The following MED27 variants were observed in gnomAD, a reference collection of about 807,000 sequenced individuals.
MED27 encodes the protein mediator complex subunit 27.
MED27 carries 30 observed loss-of-function variants against 38.2 expected under a neutral mutation model. The observed-to-expected ratio is 0.79, with a 90% confidence interval of 0.59 to 1.07. The LOEUF is 1.07. Among genes scored for constraint, MED27 ranks in the 50% least tolerant of loss-of-function variants. The pLI is 0.00. For missense variants in MED27, 289 were observed against 397.5 expected (o/e 0.73, Z 2.32); for synonymous variants, 122 against 153.5 (o/e 0.79, Z 1.52).
intron 3 of MED27, among the ~76,000 whole-genome samples, chr9:132,000,666 TAAGA>T (rs1213387166): frequency 3.9e-5 from 6 of 151,922 alleles, no homozygotes; most frequent in Non-Finnish European, 8.8e-5. Flanking sequence ...ACAGCAATAA[TAAGA>T]AATAACCTAT....
chr9:132,015,441 A>C (rs983514325), intron 2 of MED27, among the ~76,000 whole-genome samples: 1 of 152,226 alleles, frequency 6.6e-6, no homozygotes, highest in African/African-American at 2.4e-5. Context: ...AAGAGAAATG[A>C]TACTGCCCAG....
At chr9:132,009,552 G>A (rs76945703) in intron 3 of MED27, among the ~76,000 whole-genome samples, 5,596 of 152,282 alleles carry the variant, frequency 0.037, 348 homozygotes, top group African/African-American at 0.12. Context: ...CCTAGGTGGA[G>A]AGGAACCGAG....
At chr9:132,015,111 C>A (rs374909206) in intron 2 of MED27, among the ~76,000 whole-genome samples, 1 of 152,190 alleles carries the variant, frequency 6.6e-6, no homozygotes, top group Admixed American at 6.5e-5. Flanking sequence ...TTCAAACATA[C>A]TATCAGTCTG....
chr9:131,992,624 A>G (rs747155487), intron 3 of MED27, among the ~76,000 whole-genome samples: 2 of 151,794 alleles, frequency 1.3e-5, no homozygotes, highest in South Asian at 2.1e-4. Context: ...CTACTTTTGA[A>G]CTCCTGGCCT....
intron 3 of MED27, among the ~76,000 whole-genome samples, chr9:132,001,558 A>G (rs751534016): frequency 1.7e-4 from 26 of 152,280 alleles, no homozygotes; most frequent in Non-Finnish European, 3.4e-4. Flanking sequence ...AAAAAACAAA[A>G]AAATCACCAG....
chr9:131,976,550 T>C (rs1419226666), intron 3 of MED27, among the ~76,000 whole-genome samples: 1 of 152,230 alleles, frequency 6.6e-6, no homozygotes, highest in Non-Finnish European at 1.5e-5. Context: ...GCAAATGTTA[T>C]TACTAATCCA....
At chr9:132,011,834 T>C (rs1832492295) in intron 3 of MED27, among the ~76,000 whole-genome samples, 2 of 152,212 alleles carry the variant, frequency 1.3e-5, no homozygotes, top group African/African-American at 4.8e-5. Context: ...GGCTACTAAG[T>C]ATAGGAAATC....
chr9:132,049,764 G>C (rs993714164), intron 2 of MED27, among the ~76,000 whole-genome samples: 2 of 152,106 alleles, frequency 1.3e-5, no homozygotes, highest in Non-Finnish European at 2.9e-5. Flanking sequence ...AACTGTCTGC[G>C]AGACTGGCTC....
rs749607968 is a variant in MED27 at position 131,966,383 on chromosome 9, C to CAAAAAAAAAAAAAAAAAAAAAAAAAAA, written c.480-26910_480-26909insTTTTTTTTTTTTTTTTTTTTTTTTTTT. On this transcript the variant is annotated intron_variant, in intron 3 of 7. Transcript: ENST00000292035. ...CAGGCAAAAGAGCCAGACCCTGTCA[C>CAAAAAAAAAAAAAAAAAAAAAAAAAAA]AAAAAAAAAAAAAAAAAGGAAAGGA... Among the ~76,000 whole-genome samples the CAAAAAAAAAAAAAAAAAAAAAAAAAAA allele has an allele frequency of 2.0e-3, 72 of 36,712 alleles. 12 individuals are homozygous for CAAAAAAAAAAAAAAAAAAAAAAAAAAA. The highest frequency in any genetic ancestry group is 0.019 in the Middle Eastern group (1 of 52). 24.1% of individuals were successfully genotyped at this position (36,712 alleles called of 152,430 possible). A position where few individuals can be genotyped will look rare whatever the true frequency, so the allele number is the denominator to read the frequency against.
chr9:131,869,542 T>C (rs1838794139), intron 6 of MED27, among the ~76,000 whole-genome samples: 1 of 151,974 alleles, frequency 6.6e-6, no homozygotes, highest in Non-Finnish European at 1.5e-5. Context: ...GCACTAATGC[T>C]CCCAAGGAGA....
chr9:132,059,559 C>A (rs1190868724), intron 2 of MED27, among the ~76,000 whole-genome samples: 1 of 152,208 alleles, frequency 6.6e-6, no homozygotes, highest in African/African-American at 2.4e-5. Flanking sequence ...TGCTCTGAGC[C>A]AGAGGCAGCA....
At chr9:131,870,054 T>C (rs1004132740) in intron 6 of MED27, among the ~76,000 whole-genome samples, 10 of 152,004 alleles carry the variant, frequency 6.6e-5, no homozygotes, top group African/African-American at 1.9e-4. Context: ...GTCAAAACAG[T>C]CTCCCAAAGC....
rs1832117298 is a variant in MED27 at position 131,997,531 on chromosome 9, C to G, written c.479+16806G>C. Among the ~76,000 whole-genome samples the G allele has an allele frequency of 6.6e-6, 1 of 152,182 alleles. No homozygotes were observed. Among genetic ancestry groups the G allele is most frequent in the African/African-American group, 2.4e-5 (1 of 41,448 alleles). ...CTGGGTTGACCGAGGCGTTGCCAGCCCTGCACTGTAGGCTGCCATCTCCCC... is the reference window on the plus strand; with the variant it reads ...CTGGGTTGACCGAGGCGTTGCCAGCGCTGCACTGTAGGCTGCCATCTCCCC... On this transcript the variant is annotated intron_variant, in intron 3 of 7. Transcript: ENST00000292035. The surrounding 1 kb of genome is among the most constrained non-coding windows in gnomAD (Gnocchi z 4.0).
chr9:132,036,481 T>C (rs988291531), intron 2 of MED27, among the ~76,000 whole-genome samples: 1 of 152,200 alleles, frequency 6.6e-6, no homozygotes, highest in African/African-American at 2.4e-5. Flanking sequence ...GGATTACATG[T>C]GTGAGCCACT....
At chr9:131,900,930 GGAGA>G (rs1829932912) in intron 4 of MED27, among the ~76,000 whole-genome samples, 1 of 149,282 alleles carries the variant, frequency 6.7e-6, no homozygotes, top group South Asian at 2.1e-4. Context: ...AGAGGGAGAG[GGAGA>G]GAGAGGGAGG....
At chr9:131,921,599 T>C (rs914329562) in intron 4 of MED27, among the ~76,000 whole-genome samples, 3 of 152,216 alleles carry the variant, frequency 2.0e-5, no homozygotes, top group Non-Finnish European at 4.4e-5. Flanking sequence ...AGTTCAACCA[T>C]TGTGGAAGAC....
intron 2 of MED27, among the ~76,000 whole-genome samples, chr9:132,055,003 G>A (rs371860531): frequency 1.3e-5 from 2 of 152,036 alleles, no homozygotes; most frequent in African/African-American, 2.4e-5. Flanking sequence ...TCAGAAGGGC[G>A]CTTTCTTTGA....
intron 4 of MED27, among the ~76,000 whole-genome samples, chr9:131,896,702 G>A (rs1038811669): frequency 3.9e-5 from 6 of 151,928 alleles, no homozygotes; most frequent in African/African-American, 9.6e-5. Context: ...TTCTAACATC[G>A]TTATAATGAA....
At chr9:132,000,216 C>T (rs1171408092) in intron 3 of MED27, among the ~76,000 whole-genome samples, 1 of 151,878 alleles carries the variant, frequency 6.6e-6, no homozygotes, top group Non-Finnish European at 1.5e-5. Context: ...TGCACTTCAC[C>T]AAAGATATAC....
Sources: allele counts gnomAD v4.1 joint callset (sites outside exome capture counted in the v4.1 genomes callset), GRCh38; gene constraint gnomAD v4.1.1; non-coding constraint Gnocchi (gnomAD v3.1); transcripts MANE v1.5; gene names NCBI Gene and HGNC (gene_info 2026-07-23, HGNC 2026-07-21).